Variants in DOCK4 observed in about 807,000 individuals in gnomAD.
The protein encoded by DOCK4 is dedicator of cytokinesis protein 4.
A neutral mutation model predicts 268.1 loss-of-function variants in DOCK4; 97 were observed. The ratio of observed to expected loss-of-function variants is 0.36; its 90% CI spans 0.31 to 0.43. DOCK4 has a LOEUF of 0.43. DOCK4 is among the 20% of genes least tolerant of loss of function. The probability of loss-of-function intolerance (pLI) is 1.00; values close to 1 mark genes in which losing one functional copy is unlikely to be tolerated. For missense variants in DOCK4, 2,145 were observed against 2,455.7 expected (o/e 0.87, Z 2.67); for synonymous variants, 954 against 887.2 (o/e 1.08, Z -1.34).
At chr7:111,801,173 T>G (rs1800250798) in intron 30 of DOCK4, among the ~76,000 whole-genome samples, 1 of 152,184 alleles carries the variant, frequency 6.6e-6, no homozygotes, top group South Asian at 2.1e-4. Flanking sequence ...GACCCACATT[T>G]GCATATTAAA....
chr7:111,727,481 C>T lies in DOCK4; in HGVS notation c.*793G>A, dbSNP rs944053976. 6.6e-6 allele frequency: 1 copy of T among 152,492 alleles called. No individual in the cohort carries two copies. The highest frequency in any genetic ancestry group is 6.5e-5 in the Admixed American group (1 of 15,270). 9.4% of individuals were successfully genotyped at this position (152,492 alleles called of 1,614,324 possible). ...TTCAGCATTTGCTCTTGTTCAATGACAAATTTTATATAGGAAACTATCAAG... is the reference window on the plus strand; with the variant it reads ...TTCAGCATTTGCTCTTGTTCAATGATAAATTTTATATAGGAAACTATCAAG... On this transcript the variant is annotated 3_prime_UTR_variant, in exon 53 of 53. Transcript: ENST00000428084.
chr7:111,744,697 A>T (rs1796149273), intron 44 of DOCK4, among the ~76,000 whole-genome samples: 2 of 152,346 alleles, frequency 1.3e-5, no homozygotes, highest in South Asian at 4.1e-4. Context: ...AATGAAGGTT[A>T]AAGTCATTGC....
intron 1 of DOCK4, among the ~76,000 whole-genome samples, chr7:112,183,657 T>C (rs1819243580): frequency 6.6e-6 from 1 of 152,152 alleles, no homozygotes; most frequent in Non-Finnish European, 1.5e-5. Flanking sequence ...AATCACTCAT[T>C]TATCAAAAGC....
At chr7:111,932,600 A>T (rs1401916461) in intron 12 of DOCK4, among the ~76,000 whole-genome samples, 1 of 152,046 alleles carries the variant, frequency 6.6e-6, no homozygotes, top group Non-Finnish European at 1.5e-5. Context: ...TTCCCTAGTA[A>T]CCATGTCAAA....
rs193031107 is a variant in DOCK4 at position 112,126,591 on chromosome 7, C to T, written c.37+79511G>A. Among the ~76,000 whole-genome samples the T allele has an allele frequency of 7.9e-5, 12 of 152,198 alleles. No individual in the cohort carries two copies. In the East Asian group the frequency reaches 2.3e-3, roughly 29 times the overall value. On this transcript the variant is annotated intron_variant, in intron 1 of 52. Transcript: ENST00000428084. The stretch of plus-strand genomic sequence containing the variant: ...ATTAAACTAAAAAGCTTCTGCACAG[C>T]AAAAGAAACTACCATCAGAGTCAAC...
At chr7:112,035,705 A>T (rs1444252805) in intron 1 of DOCK4, among the ~76,000 whole-genome samples, 1 of 152,160 alleles carries the variant, frequency 6.6e-6, no homozygotes, top group Admixed American at 6.5e-5. Flanking sequence ...ATAAACAAAC[A>T]TAAAGATGAT....
At chr7:112,160,892 C>T (rs998469044) in intron 1 of DOCK4, among the ~76,000 whole-genome samples, 4 of 152,156 alleles carry the variant, frequency 2.6e-5, no homozygotes, top group East Asian at 1.9e-4. Context: ...GGGCTAACAT[C>T]GACTCTGAGC....
At chr7:112,091,485 A>T (rs1809622881) in intron 1 of DOCK4, among the ~76,000 whole-genome samples, 1 of 152,158 alleles carries the variant, frequency 6.6e-6, no homozygotes, top group South Asian at 2.1e-4. Context: ...TCTTGAACTG[A>T]AAACAGGCTT....
At chr7:112,110,964 T>A (rs1388944368) in intron 1 of DOCK4, among the ~76,000 whole-genome samples, 2 of 152,210 alleles carry the variant, frequency 1.3e-5, no homozygotes, top group African/African-American at 4.8e-5. Context: ...TCCCTGCCCA[T>A]GTTCTAACGA....
intron 1 of DOCK4, among the ~76,000 whole-genome samples, chr7:112,098,161 T>G (rs916730109): frequency 2.0e-5 from 3 of 152,198 alleles, no homozygotes; most frequent in Non-Finnish European, 4.4e-5. Flanking sequence ...AAAGAAATTA[T>G]ATCAATTTTT....
intron 1 of DOCK4, among the ~76,000 whole-genome samples, chr7:112,185,805 A>C (rs1057220239): frequency 1.2e-4 from 19 of 152,204 alleles, no homozygotes; most frequent in African/African-American, 4.3e-4. Context: ...ATGAATGCAC[A>C]GTCTTAAACT....
chr7:111,815,630 TC>T (rs1801484459), intron 27 of DOCK4, among the ~76,000 whole-genome samples: 1 of 126,544 alleles, frequency 7.9e-6, no homozygotes, highest in South Asian at 2.7e-4. Flanking sequence ...TTCCTTCCCC[TC>T]CCCCATCCCC....
At chr7:112,062,588 A>T (rs137890104) in intron 1 of DOCK4, among the ~76,000 whole-genome samples, 1 of 152,312 alleles carries the variant, frequency 6.6e-6, no homozygotes, top group East Asian at 1.9e-4. Flanking sequence ...GTGATAGCCA[A>T]GGGCCGACTT....
chr7:112,175,669 A>G (rs1188555608), intron 1 of DOCK4, among the ~76,000 whole-genome samples: 1 of 152,144 alleles, frequency 6.6e-6, no homozygotes, highest in Non-Finnish European at 1.5e-5. Context: ...TAAGTATTAC[A>G]TCTTTATAAA....
chr7:111,991,802 A>T (rs1467479036), intron 5 of DOCK4, among the ~76,000 whole-genome samples: 1 of 151,944 alleles, frequency 6.6e-6, no homozygotes, highest in East Asian at 1.9e-4. Flanking sequence ...TCTACTAAAA[A>T]TACAAAAAAA....
At chr7:111,864,257 A>C (rs912616247) in intron 22 of DOCK4, among the ~76,000 whole-genome samples, 8 of 151,548 alleles carry the variant, frequency 5.3e-5, no homozygotes, top group Non-Finnish European at 1.0e-4. Flanking sequence ...AAAAAAAAAA[A>C]CCCGATCATC....
intron 1 of DOCK4, among the ~76,000 whole-genome samples, chr7:112,130,051 A>G (rs1813660722): frequency 2.0e-5 from 3 of 152,142 alleles, no homozygotes; most frequent in Admixed American, 2.0e-4. Flanking sequence ...GCCACTTTTA[A>G]CTCTGCCTGG....
At chr7:112,201,024 T>G (rs1191530237) in intron 1 of DOCK4, among the ~76,000 whole-genome samples, 1 of 152,202 alleles carries the variant, frequency 6.6e-6, no homozygotes, top group Non-Finnish European at 1.5e-5. Context: ...AACATTATTA[T>G]TTAGCTTTAC....
intron 8 of DOCK4, among the ~76,000 whole-genome samples, chr7:111,972,479 T>C (rs1253026241): frequency 1.3e-5 from 2 of 152,160 alleles, no homozygotes; most frequent in Admixed American, 6.5e-5. Context: ...GCTGTTTGCT[T>C]CTTAAAGGAG....
Sources: gnomAD v4.1 joint callset for allele counts (sites outside exome capture counted in the v4.1 genomes callset) on GRCh38, gnomAD v4.1.1 for gene constraint, MANE v1.5 for transcripts, NCBI Gene and HGNC (gene_info 2026-07-23, HGNC 2026-07-21) for gene names.